The following NEDD4 variants were observed in gnomAD, a reference collection of about 807,000 sequenced individuals.
NEDD4 encodes the protein NEDD4 E3 ubiquitin protein ligase, also known as E3 ubiquitin-protein ligase NEDD4.
Under a neutral mutation model 144.9 loss-of-function variants are expected in NEDD4, and 99 were observed. The observed-to-expected ratio is 0.68, with a 90% CI of 0.58 to 0.81. NEDD4 has a LOEUF of 0.81. NEDD4 is among the 30% of genes least tolerant of loss of function. The pLI is 0.00. For synonymous variants in NEDD4, 318 were observed against 350.6 expected (o/e 0.91, Z 1.04); for missense variants, 985 against 1,065.9 (o/e 0.92, Z 1.06).
chr15:55,901,272 T>G (rs1477634896), intron 5 of NEDD4, among the ~76,000 whole-genome samples: 1 of 152,158 alleles, frequency 6.6e-6, no homozygotes, highest in Admixed American at 6.5e-5. Context: ...ATTTTATGTT[T>G]TACATTTATG....
At chr15:55,841,497 A>G (rs894162022) in intron 19 of NEDD4, among the ~76,000 whole-genome samples, 3 of 152,200 alleles carry the variant, frequency 2.0e-5, no homozygotes, top group African/African-American at 7.2e-5. Flanking sequence ...TGGGAAGATG[A>G]AAAAGTTCTA....
In NEDD4 at chr15:55,953,448, G is replaced by GT. The variant is rs1315261141; in HGVS notation, c.120-1860dup. 6.9e-3 allele frequency among the ~76,000 whole-genome samples: 967 copies of GT among 141,058 alleles called. 5 individuals are homozygous for GT. Among genetic ancestry groups the GT allele is most frequent in the Non-Finnish European group, 0.011 (694 of 63,992 alleles). 92.5% of individuals were successfully genotyped at this position (141,058 alleles called of 152,430 possible). On this transcript the variant is annotated intron_variant, in intron 2 of 28. Transcript: ENST00000435532. ...CTCTTCTTTTTTTATCTTCTTTTTT[G>GT]TTTTTTTTTTTGAGATGAAGTCTCA...
chr15:55,888,648 G>A (rs960992665), intron 5 of NEDD4, among the ~76,000 whole-genome samples: 2 of 152,066 alleles, frequency 1.3e-5, no homozygotes, highest in Non-Finnish European at 2.9e-5. Flanking sequence ...ATAGCCAGAG[G>A]CATCCTAAGC....
chr15:55,979,422 C>T (rs1311433001), intron 1 of NEDD4, among the ~76,000 whole-genome samples: 7 of 138,858 alleles, frequency 5.0e-5, no homozygotes, highest in Admixed American at 3.1e-4. Flanking sequence ...GGCGCAATCT[C>T]GGCTCACTGC....
At chr15:55,834,015 T>C in intron 26 of NEDD4, 23 bp downstream of exon 26, 1 of 1,533,056 alleles carries the variant, frequency 6.5e-7, no homozygotes, top group Non-Finnish European at 9.0e-7. Flanking sequence ...AAGTAAGTTA[T>C]GAAAATAGAA....
rs139996016 is a variant in NEDD4 at position 55,837,103 on chromosome 15, C to T, written c.2262+686G>A. ...ACAAAGAAAGGCAGCTATATGTCGT[C>T]ACATGTAAATATCCCTAATAAATAT... On this transcript the variant is annotated intron_variant, in intron 24 of 28. Coordinates refer to ENST00000435532, the MANE Select transcript of NEDD4 (RefSeq NM_006154.4). 2.5e-4 allele frequency among the ~76,000 whole-genome samples: 38 copies of T among 152,198 alleles called. No homozygotes were observed. In the East Asian group the frequency reaches 7.0e-3, roughly 28 times the overall value.
intron 1 of NEDD4, among the ~76,000 whole-genome samples, chr15:55,971,981 G>C (rs774687847): frequency 1.2e-4 from 18 of 152,200 alleles, no homozygotes; most frequent in Admixed American, 2.6e-4. Flanking sequence ...TTTATTTGAA[G>C]TGCTGAAGGA....
intron 4 of NEDD4, among the ~76,000 whole-genome samples, chr15:55,931,204 A>G (rs1402176824): frequency 6.6e-6 from 1 of 152,248 alleles, no homozygotes; most frequent in African/African-American, 2.4e-5. Context: ...GCCAAACATA[A>G]GTTGGCTATT....
At chr15:55,889,060 C>T (rs1429508686) in intron 5 of NEDD4, among the ~76,000 whole-genome samples, 1 of 152,134 alleles carries the variant, frequency 6.6e-6, no homozygotes, top group Non-Finnish European at 1.5e-5. Flanking sequence ...CAGTAATACT[C>T]CATAAGCACA....
chr15:55,862,770 A>T (rs1427804860), intron 9 of NEDD4, 143 bp downstream of exon 9: 2 of 692,842 alleles, frequency 2.9e-6, no homozygotes, highest in African/African-American at 1.8e-5. Context: ...GGATTTTTAA[A>T]GTCCTGGGCA....
chr15:55,931,717 T>C (rs1395827442), intron 4 of NEDD4, among the ~76,000 whole-genome samples: 9 of 152,202 alleles, frequency 5.9e-5, no homozygotes, highest in African/African-American at 2.2e-4. Context: ...CCAGTGGTTG[T>C]GGGAACAAAC....
Position 55,947,629 on chromosome 15 carries a change from G to C in NEDD4, c.237+3747C>G, listed in dbSNP as rs546380580. Reference sequence around the variant, plus strand: ...ATGATCAAGTGGGCTTCATCCCTGGGATGCAAGGCTGGTTCAACATACGCA... The same window carrying C: ...ATGATCAAGTGGGCTTCATCCCTGGCATGCAAGGCTGGTTCAACATACGCA... On this transcript the variant is annotated intron_variant, in intron 4 of 28. Coordinates refer to ENST00000435532, the MANE Select transcript of NEDD4 (RefSeq NM_006154.4). Among the ~76,000 whole-genome samples the C allele has an allele frequency of 1.1e-4, 16 of 152,284 alleles. No homozygotes were observed. In the East Asian group the frequency reaches 3.1e-3, roughly 29 times the overall value.
At chr15:55,861,742 A>G (rs2142036637) in intron 9 of NEDD4, among the ~76,000 whole-genome samples, 1 of 152,272 alleles carries the variant, frequency 6.6e-6, no homozygotes, top group Middle Eastern at 3.4e-3. Context: ...ATATTATTCT[A>G]ATTATTTGCA....
chr15:55,992,965 C>T (rs527618651), intron 1 of NEDD4, among the ~76,000 whole-genome samples: 36 of 152,346 alleles, frequency 2.4e-4, no homozygotes, highest in Non-Finnish European at 4.1e-4. Flanking sequence ...TGTTCCTGCT[C>T]TCCCATCCCT....
chr15:55,873,924 GC>G, intron 6 of NEDD4, 33 bp downstream of exon 6: 1 of 1,295,284 alleles, frequency 7.7e-7, no homozygotes. Flanking sequence ...AAAAAAATAA[GC>G]CCAAAAGGAA....
At chr15:55,936,137 G>A (rs940875987) in intron 4 of NEDD4, among the ~76,000 whole-genome samples, 13 of 152,144 alleles carry the variant, frequency 8.5e-5, no homozygotes. Context: ...CACTTTGTCA[G>A]AGGGGTCCCT....
In NEDD4 at chr15:55,974,891, C is replaced by CTTTTTTTTTTT. The variant is rs56285555; in HGVS notation, c.46-8356_46-8346dup. ...TAAGGATGTCCATTTCTTTTCCTTT[C>CTTTTTTTTTTT]TTTTTTTTTTTTTTTTTTTTTGAGA... On this transcript the variant is annotated intron_variant, in intron 1 of 28. Coordinates refer to ENST00000435532, the MANE Select transcript of NEDD4 (RefSeq NM_006154.4). 1.3e-4 allele frequency among the ~76,000 whole-genome samples: 10 copies of CTTTTTTTTTTT among 75,714 alleles called. 1 individual carries two copies. The highest frequency in any genetic ancestry group is 5.6e-4 in the South Asian group (1 of 1,778). 49.7% of individuals were successfully genotyped at this position (75,714 alleles called of 152,430 possible). A position where few individuals can be genotyped will look rare whatever the true frequency, so the allele number is the denominator to read the frequency against.
intron 5 of NEDD4, among the ~76,000 whole-genome samples, chr15:55,922,438 C>T (rs1436351092): frequency 1.3e-5 from 2 of 152,206 alleles, no homozygotes. Context: ...TCTTGGCTCA[C>T]TGCAACCTCC....
chr15:55,875,382 T>C (rs2034959104), intron 5 of NEDD4, among the ~76,000 whole-genome samples: 1 of 152,194 alleles, frequency 6.6e-6, no homozygotes, highest in African/African-American at 2.4e-5. Context: ...CAATCACAGC[T>C]AACTGCAACC....
Sources: gnomAD v4.1 joint callset for allele counts (sites outside exome capture counted in the v4.1 genomes callset) on GRCh38, gnomAD v4.1.1 for gene constraint, MANE v1.5 for transcripts, NCBI Gene and HGNC (gene_info 2026-07-23, HGNC 2026-07-21) for gene names.